The following CCDC157 variants were observed in gnomAD, a reference collection of about 807,000 sequenced individuals.
CCDC157 encodes coiled-coil domain containing 157, also known as coiled-coil domain-containing protein 157.
CCDC157 carries 60 observed loss-of-function variants against 70.9 expected under a neutral mutation model. The observed-to-expected ratio is 0.85, with a 90% confidence interval of 0.69 to 1.05. The LOEUF (loss-of-function observed/expected upper bound fraction) is 1.05. Ranked by LOEUF, CCDC157 falls within the 50% of genes least tolerant of loss-of-function variation. CCDC157 has a pLI of 0.00. For synonymous variants in CCDC157, 373 were observed against 422.4 expected, an observed-to-expected ratio of 0.88 and a Z score of 1.43; for missense variants, 943 against 984.2, an observed-to-expected ratio of 0.96 and a Z score of 0.56.
chr22:30,365,964 G>C lies in CCDC157; in HGVS notation c.-11-26G>C, dbSNP rs758379004. ...TGCAGCAGCCACGTGGCTCTGGCTGGCAGGGCTCTTCTCTGCTCACCCCAG... is the reference window on the plus strand; with the variant it reads ...TGCAGCAGCCACGTGGCTCTGGCTGCCAGGGCTCTTCTCTGCTCACCCCAG... On this transcript the variant is annotated intron_variant, in intron 2 of 11. Coordinates refer to ENST00000338306, the MANE Select transcript of CCDC157 (RefSeq NM_001017437.5). 23 of 1,542,258 alleles carry C rather than the reference G, an allele frequency of 1.5e-5. No homozygotes were observed. The African/African-American group carries it at 3.0e-4, about 20-fold the overall frequency.
Position 30,376,657 on chromosome 22 carries a change from T to C in CCDC157, c.2171T>C (p.Ile724Thr). The C allele has an allele frequency of 6.2e-7, 1 of 1,613,706 alleles. No individual in the cohort carries two copies. Among genetic ancestry groups the C allele is most frequent in the Non-Finnish European group, 8.5e-7 (1 of 1,180,010 alleles). ...TTGGACACCTGCACCCAGAACCCCATCAAGGTCTTGGTCAGGCTGAGAAAG... is the reference window on the plus strand; with the variant it reads ...TTGGACACCTGCACCCAGAACCCCACCAAGGTCTTGGTCAGGCTGAGAAAG... Reference protein sequence around the residue: ...THLDTCTQNPIKVLVRLRKRL... With the variant: ...THLDTCTQNPTKVLVRLRKRL... The change falls in exon 12 of 12, where the codon ATC becomes ACC. Residue 724 changes from isoleucine (I) to threonine (T), a missense_variant. Ile to Thr is a moderately conservative substitution (Grantham distance 89). Transcript: ENST00000338306.
intron 9 of CCDC157, chr22:30,375,000 C>A: frequency 3.0e-6 from 1 of 328,804 alleles, no homozygotes; most frequent in Non-Finnish European, 5.8e-6. Flanking sequence ...CACTCTGTTG[C>A]CAGGCTGGAG....
chr22:30,377,559 C>A lies in CCDC157; in HGVS notation c.*814C>A, dbSNP rs867234615. On this transcript the variant is annotated 3_prime_UTR_variant, in exon 12 of 12. Transcript: ENST00000338306. Reference sequence around the variant, plus strand: ...CTTGCTGAGGCCTTCTCAGGGCGCACGCTCCCAAATGCCTGAAGCATTTTC... The same window carrying A: ...CTTGCTGAGGCCTTCTCAGGGCGCAAGCTCCCAAATGCCTGAAGCATTTTC... 6.5e-6 allele frequency: 1 copy of A among 153,786 alleles called. No homozygotes were observed. The highest frequency in any genetic ancestry group is 1.4e-5 in the Non-Finnish European group (1 of 69,090). The allele number at this position is 153,786 out of a possible 1,614,324, so 9.5% of individuals were successfully genotyped here. A position where few individuals can be genotyped will look rare whatever the true frequency, so the allele number is the denominator to read the frequency against.
chr22:30,371,708 G>A lies in CCDC157; in HGVS notation c.1104G>A (p.Arg368=), dbSNP rs1438542764. The change falls in exon 6 of 12, where the codon CGG becomes CGA. Residue 368 remains arginine, a synonymous_variant. Coordinates refer to ENST00000338306, the MANE Select transcript of CCDC157 (RefSeq NM_001017437.5). Reference sequence around the variant, plus strand: ...TGGAGAGAGAACTGAAACAGCAGCGGGAGTCCACACAGGCTGTGGGTAAGG... The same window carrying A: ...TGGAGAGAGAACTGAAACAGCAGCGAGAGTCCACACAGGCTGTGGGTAAGG... ...ATLERELKQQ[R]ESTQAVEAKA... The A allele has an allele frequency of 1.2e-6, 2 of 1,614,106 alleles. No individual in the cohort carries two copies. The highest frequency in any genetic ancestry group is 1.7e-6 in the Non-Finnish European group (2 of 1,179,956).
chr22:30,369,246 A>T, intron 3 of CCDC157, 186 bp from the exon 4 acceptor site: 1 of 437,876 alleles, frequency 2.3e-6, no homozygotes, highest in Non-Finnish European at 3.9e-6. Context: ...GGCTGTGGCC[A>T]GGGAGGGCTT....
At position 30,370,869 on chromosome 22, in the gene CCDC157, C is replaced by G. The variant is rs1480660173; in HGVS notation, c.964C>G (p.Gln322Glu). 1.2e-6 allele frequency: 2 copies of G among 1,612,008 alleles called. No homozygotes were observed. Among genetic ancestry groups the G allele is most frequent in the African/African-American group, 2.7e-5 (2 of 74,908 alleles). Residue 322 changes from glutamine to glutamate, a missense_variant, in exon 5 of 12, where the codon CAG becomes GAG. Transcript: ENST00000338306. ...GCTGGAGCAGGCGCTGAAACAGGAGCAGGGGGCACGGCGGCGACAGGCGGA... is the reference window on the plus strand; with the variant it reads ...GCTGGAGCAGGCGCTGAAACAGGAGGAGGGGGCACGGCGGCGACAGGCGGA... ...GKLEQALKQE[Q>E]GARRRQAEED... is the part of the protein sequence containing the mutation.
chr22:30,373,800 C>A, intron 8 of CCDC157, 36 bp downstream of exon 8: 1 of 1,535,378 alleles, frequency 6.5e-7, no homozygotes, highest in South Asian at 1.2e-5. Context: ...CCAGAGAAGT[C>A]TCCGGCCAAC....
At chr22:30,369,708 T>C in intron 4 of CCDC157, 105 bp downstream of exon 4, 2 of 928,290 alleles carry the variant, frequency 2.2e-6, no homozygotes, top group Non-Finnish European at 3.0e-6. Context: ...CCTACCACTA[T>C]GTGCACCACA....
At chr22:30,369,736 C>A in intron 4 of CCDC157, 133 bp downstream of exon 4, 1 of 690,034 alleles carries the variant, frequency 1.4e-6, no homozygotes, top group African/African-American at 1.8e-5. Flanking sequence ...CTGGCTCCCA[C>A]CGCCCTCCCA....
chr22:30,359,306 G>A (rs1342184700), intron 1 of CCDC157, among the ~76,000 whole-genome samples: 1 of 152,238 alleles, frequency 6.6e-6, no homozygotes, highest in Non-Finnish European at 1.5e-5. Flanking sequence ...ATTGGCAGTT[G>A]CCAAGACAAC....
At position 30,370,928 on chromosome 22, in the gene CCDC157, C is replaced by T. The variant is rs193006108; in HGVS notation, c.1023C>T (p.His341=). The change falls in exon 5 of 12, where the codon CAC becomes CAT. Residue 341 remains histidine, a synonymous_variant. Coordinates refer to ENST00000338306, the MANE Select transcript of CCDC157 (RefSeq NM_001017437.5). The part of the protein sequence containing the change: ...EDEQCLSEWE[H]DKQQLLTETS... ...AGCAGTGCCTGTCTGAGTGGGAGCA[C>T]GACAAACAGCAGCTGCTCACAGGTC... 9.9e-6 allele frequency: 16 copies of T among 1,609,490 alleles called. No individual in the cohort carries two copies. The highest frequency in any genetic ancestry group is 5.0e-5 in the Admixed American group (3 of 59,794).
intron 1 of CCDC157, among the ~76,000 whole-genome samples, chr22:30,361,449 G>GGCCT (rs1177650914): frequency 6.6e-6 from 1 of 151,964 alleles, no homozygotes; most frequent in Non-Finnish European, 1.5e-5. Context: ...CCTTCCTGGC[G>GGCCT]GCCTGCTTCA....
rs1422858737 is a variant in CCDC157 at position 30,378,145 on chromosome 22, TC to T, written c.*1401del. 4 of 470,976 alleles carry T rather than the reference TC, an allele frequency of 8.5e-6. No homozygotes were observed. The highest frequency in any genetic ancestry group is 1.8e-5 in the Non-Finnish European group (4 of 227,008). 29.2% of individuals were successfully genotyped at this position (470,976 alleles called of 1,614,324 possible). ...CCTTGCCATGGGGCTCCCTCCATCT[TC>T]AAGTCAACAACAGAGGATTTCTCAT... On this transcript the variant is annotated 3_prime_UTR_variant, in exon 12 of 12. Coordinates refer to ENST00000338306, the MANE Select transcript of CCDC157 (RefSeq NM_001017437.5).
chr22:30,376,160 G>A lies in CCDC157; in HGVS notation c.1858-99G>A, dbSNP rs921712535. On this transcript the variant is annotated intron_variant, in intron 10 of 11. Transcript: ENST00000338306. ...TGAAAGGGCCCATGGATATGCGCCC[G>A]GCCCTTCCCTCCCCATCCCTGGCTA... 131 of 1,115,296 alleles carry A rather than the reference G, an allele frequency of 1.2e-4. 1 individual carries two copies. The highest frequency in any genetic ancestry group is 1.1e-3 in the Middle Eastern group (4 of 3,766). The allele number at this position is 1,115,296 out of a possible 1,614,324, so 69.1% of individuals were successfully genotyped here. A position where few individuals can be genotyped will look rare whatever the true frequency, so the allele number is the denominator to read the frequency against.
chr22:30,374,355 G>A, intron 9 of CCDC157: 1 of 626,306 alleles, frequency 1.6e-6, no homozygotes, highest in Non-Finnish European at 3.0e-6. Context: ...ACACAGGTCT[G>A]GTTGTCCCCA....
At chr22:30,360,067 C>G (rs1178007869) in intron 1 of CCDC157, among the ~76,000 whole-genome samples, 2 of 152,126 alleles carry the variant, frequency 1.3e-5, no homozygotes, top group Non-Finnish European at 2.9e-5. Context: ...TCACTTGAGC[C>G]CAGGAGTTAA....
rs1215584387 is a variant in CCDC157, at chr22:30,376,253, T to G, written c.1858-6T>G. The G allele has an allele frequency of 3.7e-6, 6 of 1,607,868 alleles. No homozygotes were observed. In the South Asian group the frequency reaches 6.6e-5, roughly 18 times the overall value. On this transcript the variant is annotated splice_polypyrimidine_tract_variant and splice_region_variant and intron_variant, in intron 10 of 11. Transcript: ENST00000338306. ...TATAAGACTGGCTTTTTTTTTTTTT[T>G]TGTAGCTGATCCCGCAGGACCGGCT...
chr22:30,372,161 C>A lies in CCDC157; in HGVS notation c.1210C>A (p.Gln404Lys). The A allele has an allele frequency of 1.3e-6, 2 of 1,567,520 alleles. No homozygotes were observed. Among genetic ancestry groups the A allele is most frequent in the Non-Finnish European group, 8.6e-7 (1 of 1,157,618 alleles). The change falls in exon 7 of 12, where the codon CAG becomes AAG. Residue 404 changes from glutamine (Q) to lysine (K), a missense_variant. Transcript: ENST00000338306. ...GCAGCAGCTGGAGGAGCAGGTGCAG[C>A]AGTTGGAGGCGCAGGTGCAGCTGTT... Reference protein sequence around the residue: ...QVQQLEEQVQQLEAQVQLLVG... With the variant: ...QVQQLEEQVQKLEAQVQLLVG...
chr22:30,361,871 C>G (rs2145864962), intron 1 of CCDC157, 90 bp from the exon 2 acceptor site: 1 of 152,686 alleles, frequency 6.5e-6, no homozygotes, highest in East Asian at 1.9e-4. Flanking sequence ...GTCTGGAACC[C>G]CTTCTCCTTC....
Sources: allele counts gnomAD v4.1 joint callset (sites outside exome capture counted in the v4.1 genomes callset), GRCh38; gene constraint gnomAD v4.1.1; transcripts MANE v1.5; gene names NCBI Gene and HGNC (gene_info 2026-07-23, HGNC 2026-07-21).